The following TEX11 variants were observed in gnomAD, a reference collection of about 807,000 sequenced individuals.
TEX11 encodes the protein testis-expressed protein 11.
In TEX11, 7 loss-of-function variants were observed where a neutral mutation model predicts 84.4. The ratio of observed to expected loss-of-function variants is 0.08; its 90% confidence interval spans 0.05 to 0.16. The LOEUF is 0.16. Ranked by LOEUF, TEX11 falls within the 10% of genes least tolerant of loss-of-function variation. TEX11 has a pLI of 1.00. For synonymous variants in TEX11, 264 were observed against 222.8 expected (o/e 1.18, Z -1.64); for missense variants, 551 against 660.5 (o/e 0.83, Z 1.82).
At chrX:70,850,215 C>T (rs1569454988) in intron 7 of TEX11, among the ~76,000 whole-genome samples, 1 of 111,835 alleles carries the variant, frequency 8.9e-6, no homozygotes, top group African/African-American at 3.2e-5. Flanking sequence ...TTCCTACTGT[C>T]TTCTTTTTCT....
chrX:70,749,204 A>C (rs1458070561), intron 9 of TEX11, among the ~76,000 whole-genome samples: 2 of 108,357 alleles, frequency 1.8e-5, no homozygotes, highest in South Asian at 8.4e-4. Flanking sequence ...GAGTTCACTC[A>C]TGATTTGGCT....
intron 16 of TEX11, among the ~76,000 whole-genome samples, chrX:70,659,441 C>T (rs774630791): frequency 8.9e-6 from 1 of 111,960 alleles, no homozygotes; most frequent in South Asian, 3.7e-4. Flanking sequence ...GGCCAATAAG[C>T]ACATGAAAAT....
intron 25 of TEX11, among the ~76,000 whole-genome samples, chrX:70,572,371 G>T (rs2147464894): frequency 9.0e-6 from 1 of 111,503 alleles, no homozygotes; most frequent in Non-Finnish European, 1.9e-5. Flanking sequence ...GAGAGGACGT[G>T]GAGAAATAGG....
intron 13 of TEX11, among the ~76,000 whole-genome samples, chrX:70,696,305 A>G (rs992841941): frequency 6.3e-5 from 7 of 111,811 alleles, no homozygotes; most frequent in Non-Finnish European, 1.1e-4. Context: ...ACAAACTAGC[A>G]GCTGAATAAG....
intron 21 of TEX11, 116 bp downstream of exon 21, chrX:70,610,387 G>A: frequency 1.5e-6 from 1 of 652,887 alleles, no homozygotes; most frequent in Non-Finnish European, 2.3e-6. Flanking sequence ...GATTAATAAG[G>A]AGCATGAAGC....
At chrX:70,608,588 A>T (rs886422849) in intron 22 of TEX11, among the ~76,000 whole-genome samples, 2 of 109,740 alleles carry the variant, frequency 1.8e-5, no homozygotes, top group Non-Finnish European at 3.8e-5. Flanking sequence ...AAAAATACAA[A>T]AAATTAGCCG....
intron 24 of TEX11, among the ~76,000 whole-genome samples, chrX:70,600,651 A>C (rs1323414649): frequency 4.0e-5 from 4 of 98,902 alleles, no homozygotes; most frequent in East Asian, 3.2e-4. Context: ...AAAGAACACA[A>C]ATTATAACAA....
intron 13 of TEX11, among the ~76,000 whole-genome samples, chrX:70,700,216 G>T (rs1179068758): frequency 2.7e-5 from 3 of 111,193 alleles, no homozygotes; most frequent in Non-Finnish European, 5.6e-5. Flanking sequence ...CCTGGCTCAA[G>T]CCTCCTGAGT....
At chrX:70,883,319 C>T (rs889376593) in intron 2 of TEX11, among the ~76,000 whole-genome samples, 2 of 111,304 alleles carry the variant, frequency 1.8e-5, no homozygotes, top group African/African-American at 3.3e-5. Flanking sequence ...CAAAGTGTCT[C>T]GCGCTTGTAA....
intron 25 of TEX11, among the ~76,000 whole-genome samples, chrX:70,576,915 C>T (rs928272241): frequency 2.7e-5 from 3 of 111,876 alleles, no homozygotes; most frequent in Admixed American, 9.5e-5. Context: ...AAAGGGAACT[C>T]GTCTGGCCTT....
At chrX:70,635,690 G>A (rs1478914725) in intron 17 of TEX11, among the ~76,000 whole-genome samples, 3 of 110,773 alleles carry the variant, frequency 2.7e-5, no homozygotes, top group African/African-American at 9.9e-5. Flanking sequence ...CACAGCCCTA[G>A]TCATCAGGTC....
chrX:70,751,300 A>G (rs772858594), intron 9 of TEX11, among the ~76,000 whole-genome samples: 3 of 107,746 alleles, frequency 2.8e-5, no homozygotes, highest in Non-Finnish European at 5.8e-5. Flanking sequence ...ATACTATGCA[A>G]CCATAAAAAA....
chrX:70,667,587 A>G (rs983630426), intron 16 of TEX11, among the ~76,000 whole-genome samples: 1 of 112,069 alleles, frequency 8.9e-6, no homozygotes, highest in Non-Finnish European at 1.9e-5. Context: ...AAGTTGAAGG[A>G]AGGTTTTTGG....
chrX:70,833,316 A>G (rs939563981), intron 8 of TEX11, among the ~76,000 whole-genome samples, 197 bp downstream of exon 8: 11 of 110,054 alleles, frequency 1.0e-4, no homozygotes, highest in Non-Finnish European at 1.9e-4. Context: ...AAAGAAAAAA[A>G]AGAAATATTC....
At chrX:70,629,019 T>C (rs2089479767) in intron 18 of TEX11, among the ~76,000 whole-genome samples, 1 of 111,917 alleles carries the variant, frequency 8.9e-6, no homozygotes, top group Non-Finnish European at 1.9e-5. Flanking sequence ...ATCCTGGAGG[T>C]AGGCATTATC....
rs1218884533 is a variant in TEX11 at position 70,869,309 on chromosome X, G to GA, written c.244+3913dup. ...TCAAACGTACCCATCTCCTTACCTT[G>GA]AAAAAAAAAATCAACTAACCCCACT... is the stretch of plus-strand genomic sequence containing the variant. On this transcript the variant is annotated intron_variant, in intron 4 of 29. Coordinates refer to ENST00000374333, the MANE Select transcript of TEX11 (RefSeq NM_031276.3). 1.2e-4 allele frequency among the ~76,000 whole-genome samples: 12 copies of GA among 103,281 alleles called. No individual in the cohort carries two copies. The East Asian group carries it at 2.4e-3, about 21-fold the overall frequency. 89.7% of individuals were successfully genotyped at this position (103,281 alleles called of 115,157 possible).
chrX:70,535,540 A>T (rs1186605745), intron 28 of TEX11, among the ~76,000 whole-genome samples: 3 of 111,657 alleles, frequency 2.7e-5, no homozygotes, highest in Non-Finnish European at 5.6e-5. Flanking sequence ...TGAGCTCAGA[A>T]GGTTGAGACC....
intron 17 of TEX11, among the ~76,000 whole-genome samples, chrX:70,639,212 G>A (rs971246507): frequency 1.8e-4 from 20 of 111,873 alleles, no homozygotes; most frequent in East Asian, 2.8e-4. Context: ...CTTTTCTCAC[G>A]GGCTTAAAAA....
At chrX:70,891,688 G>T (rs1380544907) in intron 2 of TEX11, among the ~76,000 whole-genome samples, 1 of 111,235 alleles carries the variant, frequency 9.0e-6, no homozygotes, top group South Asian at 3.8e-4. Context: ...AGAGAAAAAA[G>T]AGTGAAAAGG....
Sources: allele counts gnomAD v4.1 joint callset (sites outside exome capture counted in the v4.1 genomes callset), GRCh38; gene constraint gnomAD v4.1.1; transcripts MANE v1.5; gene names NCBI Gene and HGNC (gene_info 2026-07-23, HGNC 2026-07-21).